Variants in SLC12A9 observed in about 807,000 individuals in gnomAD.
The protein encoded by SLC12A9 is solute carrier family 12 member 9, also known as CCC-interacting protein 1.
In SLC12A9, 55 loss-of-function variants were observed where a neutral mutation model predicts 66.0. The observed-to-expected ratio is 0.83, with a 90% CI of 0.67 to 1.04. SLC12A9 has a LOEUF of 1.04. Ranked by LOEUF, SLC12A9 falls within the 50% of genes least tolerant of loss-of-function variation. The probability of loss-of-function intolerance (pLI) is 0.00; values close to 1 mark genes in which losing one functional copy is unlikely to be tolerated. For missense variants in SLC12A9, 1,061 were observed against 1,241.9 expected, an observed-to-expected ratio of 0.85 and a Z score of 2.19; for synonymous variants, 577 against 569.0, an observed-to-expected ratio of 1.01 and a Z score of -0.20.
At position 100,854,373 on chromosome 7, in the gene SLC12A9, G is replaced by T. The variant is rs757329161; in HGVS notation, c.176G>T (p.Arg59Met). Residue 59 changes from arginine (R) to methionine (M), a missense_variant, in exon 2 of 14, where the codon AGG (arginine) becomes ATG (methionine). Coordinates refer to ENST00000354161, the MANE Select transcript of SLC12A9 (RefSeq NM_020246.4). ...ATGTTCAGCATAGTTGTTTTTCTGA[G>T]GATTGGTGAGTGGGTCCTGGGGCGG... is the stretch of plus-strand genomic sequence containing the variant. ...LSMFSIVVFL[R>M]IGFVVGHAGL... 6.2e-7 allele frequency: 1 copy of T among 1,613,282 alleles called. No individual in the cohort carries two copies. Among genetic ancestry groups the T allele is most frequent in the Non-Finnish European group, 8.5e-7 (1 of 1,179,788 alleles).
chr7:100,845,145 G>C (rs1813880301), intron 1 of SLC12A9, among the ~76,000 whole-genome samples: 1 of 151,346 alleles, frequency 6.6e-6, no homozygotes, highest in Non-Finnish European at 1.5e-5. Flanking sequence ...CTTCCTGTAG[G>C]AAGACTGCAT....
intron 5 of SLC12A9, chr7:100,857,813 G>T (rs1195994228): frequency 6.6e-6 from 1 of 152,650 alleles, no homozygotes; most frequent in African/African-American, 2.4e-5. Context: ...TCGGGAAGCT[G>T]AGGGAGAACT....
At chr7:100,836,093 C>A (rs74579217) in intron 1 of SLC12A9, among the ~76,000 whole-genome samples, 2 of 152,218 alleles carry the variant, frequency 1.3e-5, no homozygotes, top group South Asian at 2.1e-4. Context: ...CAAGCCCCCC[C>A]ATGCCAGCAG....
rs1350944592 is a variant in SLC12A9, at chr7:100,861,958, C to T, written c.1711+47C>T. 4 of 1,497,696 alleles carry T rather than the reference C, an allele frequency of 2.7e-6. No homozygotes were observed. Among genetic ancestry groups the T allele is most frequent in the South Asian group, 1.4e-5 (1 of 73,588 alleles). The allele number at this position is 1,497,696 out of a possible 1,614,324, so 92.8% of individuals were successfully genotyped here. ...TCACTCACTCCCATCCTTCTCTCCCCCTACCTTTTTTTTTTTTTTGAGATG... is the reference window on the plus strand; with the variant it reads ...TCACTCACTCCCATCCTTCTCTCCCTCTACCTTTTTTTTTTTTTTGAGATG... On this transcript the variant is annotated intron_variant, in intron 12 of 13. Transcript: ENST00000354161. This position sits in a 1 kb window ranked among gnomAD's most constrained non-coding sequence, Gnocchi z 5.3.
chr7:100,832,217 T>C (rs2437104), intron 1 of SLC12A9, among the ~76,000 whole-genome samples: 3,784 of 150,774 alleles, frequency 0.025, 66 homozygotes, highest in Non-Finnish European at 0.04. Context: ...CAAAAAAAAA[T>C]AACTTAGCCA....
At chr7:100,828,101 C>A (rs1416450108) in intron 1 of SLC12A9, among the ~76,000 whole-genome samples, 60 of 152,236 alleles carry the variant, frequency 3.9e-4, no homozygotes, top group Non-Finnish European at 2.4e-4. Flanking sequence ...GATAGCCTTG[C>A]AGCGAACGTT....
intron 3 of SLC12A9, 120 bp from the exon 4 acceptor site, chr7:100,855,586 T>C (rs314370): frequency 0.17 from 229,570 of 1,349,510 alleles, 21,384 homozygotes; most frequent in Middle Eastern, 0.2. Context: ...ATGAGTGACT[T>C]GGGCAAAGCC....
chr7:100,864,416 G>C (rs987549613), intron 13 of SLC12A9, among the ~76,000 whole-genome samples: 11 of 152,264 alleles, frequency 7.2e-5, no homozygotes, highest in African/African-American at 2.2e-4. Context: ...TCCAATAAAA[G>C]GAAAAGTAGT....
intron 1 of SLC12A9, chr7:100,837,231 C>A (rs1040216585): frequency 7.9e-5 from 12 of 152,300 alleles, no homozygotes; most frequent in African/African-American, 2.9e-4. Flanking sequence ...GCATGAGTCA[C>A]TGGGCCCAGT....
chr7:100,837,970 C>T (rs1192413603), intron 1 of SLC12A9, among the ~76,000 whole-genome samples: 1 of 149,124 alleles, frequency 6.7e-6, no homozygotes, highest in Non-Finnish European at 1.5e-5. Flanking sequence ...ACGCCATTCT[C>T]CTGCCTCAGC....
intron 1 of SLC12A9, among the ~76,000 whole-genome samples, chr7:100,846,086 T>C (rs1056600179): frequency 6.6e-6 from 1 of 152,132 alleles, no homozygotes; most frequent in African/African-American, 2.4e-5. Context: ...GTTGAAGACA[T>C]AGAGATATGA....
chr7:100,854,541 C>G, intron 2 of SLC12A9, 79 bp from the exon 3 acceptor site: 1 of 1,602,816 alleles, frequency 6.2e-7, no homozygotes, highest in Non-Finnish European at 8.5e-7. Flanking sequence ...TTAGCTCCAC[C>G]CTGGAGCTCT....
chr7:100,862,599 C>T, intron 12 of SLC12A9, 82 bp from the exon 13 acceptor site: 1 of 1,544,926 alleles, frequency 6.5e-7, no homozygotes, highest in East Asian at 2.3e-5. Flanking sequence ...TAGCCCTGCC[C>T]AGGCCCGTCT....
chr7:100,862,694 G>T lies in SLC12A9; in HGVS notation c.1725G>T (p.Ser575=), dbSNP rs1449561412. 3 of 1,614,172 alleles carry T rather than the reference G, an allele frequency of 1.9e-6. No individual in the cohort carries two copies. Among genetic ancestry groups the T allele is most frequent in the South Asian group, 1.1e-5 (1 of 91,084 alleles). Residue 575 remains serine (S), a synonymous_variant, in exon 13 of 14, where the codon TCG becomes TCT. Transcript: ENST00000354161. ...TCTTCTCTGTAGACTCCCTGCCCTC[G>T]GACCCTGTACAGCCGCAGTATGGGG... ...VTLGDLDSLP[S]DPVQPQYGAW...
At chr7:100,850,161 C>G (rs1814028140), upstream of SLC12A9, among the ~76,000 whole-genome samples, 1 of 151,984 alleles carries the variant, frequency 6.6e-6, no homozygotes, top group Non-Finnish European at 1.5e-5. Context: ...GCGTGAGCCA[C>G]AATGCCCAGC....
intron 1 of SLC12A9, among the ~76,000 whole-genome samples, chr7:100,835,229 G>A (rs1813625765): frequency 6.6e-6 from 1 of 151,770 alleles, no homozygotes; most frequent in Non-Finnish European, 1.5e-5. Context: ...GGTGGTGCGT[G>A]CCTGTTATCC....
Position 100,865,762 on chromosome 7 carries a change from C to T in SLC12A9, c.1902C>T (p.Asp634=), listed in dbSNP as rs368905409. The change falls in exon 14 of 14, where the codon GAC becomes GAT. Residue 634 remains aspartate (D), a synonymous_variant. Transcript: ENST00000354161. The part of the protein sequence containing the change: ...PNTLVLGFYD[D]APPQDHFLTD... Reference sequence around the variant, plus strand: ...CGTTGGTCCTAGGTTTCTACGATGACGCTCCACCGCAGGACCATTTCCTGA... The same window carrying T: ...CGTTGGTCCTAGGTTTCTACGATGATGCTCCACCGCAGGACCATTTCCTGA... 2.9e-5 allele frequency: 46 copies of T among 1,613,468 alleles called. No homozygotes were observed. Among genetic ancestry groups the T allele is most frequent in the African/African-American group, 6.7e-5 (5 of 74,896 alleles).
At chr7:100,840,520 G>A (rs549956521) in intron 1 of SLC12A9, among the ~76,000 whole-genome samples, 44 of 152,106 alleles carry the variant, frequency 2.9e-4, no homozygotes, top group South Asian at 1.5e-3. Flanking sequence ...CCAACACACA[G>A]CGGTTGAGAA....
chr7:100,862,864 C>T (rs1814845696), intron 13 of SLC12A9, 37 bp downstream of exon 13: 1 of 1,611,246 alleles, frequency 6.2e-7, no homozygotes. Flanking sequence ...CGGCCTTCCT[C>T]TGTGGCCACT....
Sources: allele counts gnomAD v4.1 joint callset (sites outside exome capture counted in the v4.1 genomes callset), GRCh38; gene constraint gnomAD v4.1.1; non-coding constraint Gnocchi (gnomAD v3.1); transcripts MANE v1.5; gene names NCBI Gene and HGNC (gene_info 2026-07-23, HGNC 2026-07-21).